PRKD3: variants seen among roughly 807,000 people sequenced by gnomAD.
The protein encoded by PRKD3 is serine/threonine-protein kinase D3.
PRKD3 carries 47 observed loss-of-function variants against 99.2 expected under a neutral mutation model. The ratio of observed to expected loss-of-function variants is 0.47; its 90% confidence interval spans 0.38 to 0.60. The LOEUF is 0.60. PRKD3 is among the 20% of genes least tolerant of loss of function. PRKD3 has a pLI of 0.00. For missense variants in PRKD3, 1,019 were observed against 1,088.4 expected (o/e 0.94, Z 0.90); for synonymous variants, 392 against 355.4 (o/e 1.10, Z -1.16).
intron 11 of PRKD3, 74 bp from the exon 12 acceptor site, chr2:37,272,506 G>A: frequency 6.7e-7 from 1 of 1,498,332 alleles, no homozygotes; most frequent in Non-Finnish European, 8.9e-7. Context: ...GAATGCTCAT[G>A]GTATATCAAA....
chr2:37,281,348 A>C (rs1669849643), intron 7 of PRKD3, among the ~76,000 whole-genome samples: 1 of 152,224 alleles, frequency 6.6e-6, no homozygotes, highest in Admixed American at 6.5e-5. Context: ...ATTCAGATTA[A>C]CCGAAAGAGA....
chr2:37,256,863 C>T lies in PRKD3; in HGVS notation c.2212G>A (p.Gly738Arg). 1 of 1,613,902 alleles carries T rather than the reference C, an allele frequency of 6.2e-7. No homozygotes were observed. Among genetic ancestry groups the T allele is most frequent in the Non-Finnish European group, 8.5e-7 (1 of 1,179,908 alleles). ...TCAGGGGCTAAGTATGCTGGAGTTCCTACCACAGATCTCCTGAATGACTTT... is the reference window on the plus strand; with the variant it reads ...TCAGGGGCTAAGTATGCTGGAGTTCTTACCACAGATCTCCTGAATGACTTT... ...GEKSFRRSVV[G>R]TPAYLAPEVL... Residue 738 changes from glycine to arginine, a missense_variant, in exon 17 of 19, where the codon GGA becomes AGA. Gly to Arg is a moderately radical substitution (Grantham distance 125). Transcript: ENST00000234179.
At chr2:37,257,208 G>C (rs1462385069) in intron 16 of PRKD3, among the ~76,000 whole-genome samples, 1 of 152,118 alleles carries the variant, frequency 6.6e-6, no homozygotes, top group African/African-American at 2.4e-5. Flanking sequence ...GGTGTTATAA[G>C]TGTTCTGATT....
At chr2:37,279,035 A>G (rs1669712643) in intron 8 of PRKD3, 2 of 152,128 alleles carry the variant, frequency 1.3e-5, no homozygotes, top group Admixed American at 6.5e-5. Context: ...AATGATAGTA[A>G]TAACTGTTAT....
At position 37,317,035 on chromosome 2, in the gene PRKD3, C is replaced by A; in HGVS notation, c.-511G>T. 2.0e-6 allele frequency: 2 copies of A among 986,288 alleles called. No homozygotes were observed. The highest frequency in any genetic ancestry group is 2.4e-6 in the Non-Finnish European group (2 of 830,632). 61.1% of individuals were successfully genotyped at this position (986,288 alleles called of 1,614,324 possible). On this transcript the variant is annotated 5_prime_UTR_variant, in exon 2 of 19. Coordinates refer to ENST00000234179, the MANE Select transcript of PRKD3 (RefSeq NM_005813.6). ...CTTCTCAAATGTCCACACCTTAAAT[C>A]ACCTTCTCAAATGTCCTCATTTTCA... is the stretch of plus-strand genomic sequence containing the variant.
chr2:37,282,524 T>TA lies in PRKD3; in HGVS notation c.988+17dup. 6.7e-7 allele frequency: 1 copy of TA among 1,498,036 alleles called. No individual in the cohort carries two copies. Among genetic ancestry groups the TA allele is most frequent in the Non-Finnish European group, 9.3e-7 (1 of 1,077,246 alleles). 92.8% of individuals were successfully genotyped at this position (1,498,036 alleles called of 1,614,324 possible). A position where few individuals can be genotyped will look rare whatever the true frequency, so the allele number is the denominator to read the frequency against. ...GCCTTTTCTGATCTTTCACAAAAAT[T>TA]AAGAAAAATAATTTTACCTCCATTG... On this transcript the variant is annotated intron_variant, in intron 7 of 18. Coordinates refer to ENST00000234179, the MANE Select transcript of PRKD3 (RefSeq NM_005813.6).
At chr2:37,289,333 G>A (rs915491779) in intron 5 of PRKD3, 23 bp downstream of exon 5, 8 of 1,610,894 alleles carry the variant, frequency 5.0e-6, no homozygotes, top group Admixed American at 1.7e-5. Flanking sequence ...CTACTAAAAT[G>A]TCTATTACCT....
chr2:37,253,547 C>CAA (rs368578022), intron 18 of PRKD3, 197 bp from the exon 19 acceptor site: 1 of 484,078 alleles, frequency 2.1e-6, no homozygotes, highest in Non-Finnish European at 3.5e-6. Context: ...TTTTCAAACT[C>CAA]AGAGTCTCCA....
chr2:37,301,482 A>G (rs1670929439), intron 2 of PRKD3, among the ~76,000 whole-genome samples: 2 of 150,970 alleles, frequency 1.3e-5, no homozygotes, highest in Admixed American at 1.3e-4. Flanking sequence ...TCTGTTGCCC[A>G]CAATGTAGTG....
At position 37,316,117 on chromosome 2, in the gene PRKD3, A is replaced by G. The variant is rs1432318465; in HGVS notation, c.288+120T>C. On this transcript the variant is annotated intron_variant, in intron 2 of 18. Transcript: ENST00000234179. ...CCTCAGAGGTCATTAGAACTCTTCC[A>G]AAAATGCACAGAATAAACTACTGAT... The G allele has an allele frequency of 4.5e-6, 5 of 1,114,630 alleles. No homozygotes were observed. In the East Asian group the frequency reaches 7.2e-5, roughly 16 times the overall value. The allele number at this position is 1,114,630 out of a possible 1,614,324, so 69.0% of individuals were successfully genotyped here.
At chr2:37,303,593 C>A (rs983229672) in intron 2 of PRKD3, among the ~76,000 whole-genome samples, 2 of 151,792 alleles carry the variant, frequency 1.3e-5, no homozygotes, top group Admixed American at 6.6e-5. Context: ...CTAGCCAGAT[C>A]CTGCACTCGT....
At chr2:37,257,671 G>GAA (rs1164110574) in intron 16 of PRKD3, among the ~76,000 whole-genome samples, 5 of 28,548 alleles carry the variant, frequency 1.8e-4, no homozygotes, top group Non-Finnish European at 2.9e-4. Flanking sequence ...TGTCTCAAAA[G>GAA]AAAAAAAAAA....
intron 18 of PRKD3, 64 bp from the exon 19 acceptor site, chr2:37,253,414 GTT>G (rs1667672541): frequency 1.4e-6 from 2 of 1,421,796 alleles, no homozygotes; most frequent in Non-Finnish European, 9.5e-7. Flanking sequence ...CCTGGTTTTT[GTT>G]TTGTGTTTTT....
intron 12 of PRKD3, among the ~76,000 whole-genome samples, chr2:37,270,725 G>C (rs1321101274): frequency 6.6e-6 from 1 of 152,144 alleles, no homozygotes; most frequent in Non-Finnish European, 1.5e-5. Flanking sequence ...TTTAAGGTTT[G>C]TAAGAACCAT....
intron 6 of PRKD3, among the ~76,000 whole-genome samples, chr2:37,285,111 G>C (rs916697436): frequency 6.7e-6 from 1 of 150,022 alleles, no homozygotes; most frequent in African/African-American, 2.4e-5. Flanking sequence ...ACAATACCAA[G>C]AACTGCTAAT....
chr2:37,266,253 C>T (rs1332528659), intron 14 of PRKD3, among the ~76,000 whole-genome samples: 1 of 152,172 alleles, frequency 6.6e-6, no homozygotes, highest in Non-Finnish European at 1.5e-5. Context: ...TTACCTTCTT[C>T]AAGGAAACTC....
chr2:37,310,495 TTTA>T (rs1254594128), intron 2 of PRKD3, among the ~76,000 whole-genome samples: 1 of 152,192 alleles, frequency 6.6e-6, no homozygotes, highest in Non-Finnish European at 1.5e-5. Flanking sequence ...AACTAATGGT[TTTA>T]ACTATAACAC....
chr2:37,291,625 G>A (rs965817343), intron 3 of PRKD3, among the ~76,000 whole-genome samples: 4 of 152,226 alleles, frequency 2.6e-5, no homozygotes, highest in Non-Finnish European at 5.9e-5. Context: ...GAATGAAGAG[G>A]AGGGCAAGGA....
rs1362774747 is a variant in PRKD3, at chr2:37,259,630, A to G, written c.2098T>C (p.Leu700=). ...LHFKNIVHCD[L]KPENVLLASA... is the part of the protein sequence containing the mutation. The stretch of plus-strand genomic sequence containing the variant: ...GCAAGCAGCACATTTTCTGGCTTTA[A>G]ATCACAGTGCACAATATTCTTAAAA... Residue 700 remains leucine (L), a synonymous_variant, in exon 16 of 19, where the codon TTA becomes CTA. Transcript: ENST00000234179. 6.2e-7 allele frequency: 1 copy of G among 1,613,732 alleles called. No individual in the cohort carries two copies. The highest frequency in any genetic ancestry group is 1.3e-5 in the African/African-American group (1 of 75,032).
Sources: gnomAD v4.1 joint callset for allele counts (sites outside exome capture counted in the v4.1 genomes callset) on GRCh38, gnomAD v4.1.1 for gene constraint, MANE v1.5 for transcripts, NCBI Gene and HGNC (gene_info 2026-07-23, HGNC 2026-07-21) for gene names.